The following PRR12 variants were observed in gnomAD, a reference collection of about 807,000 sequenced individuals.
The protein encoded by PRR12 is proline-rich protein 12.
A neutral mutation model predicts 138.0 loss-of-function variants in PRR12; 12 were observed. The ratio of observed to expected loss-of-function variants is 0.09; its 90% CI spans 0.06 to 0.14. The LOEUF is 0.14. Among genes scored for constraint, PRR12 ranks in the 10% least tolerant of loss-of-function variants. The pLI is 1.00. For missense variants in PRR12, 2,692 were observed against 2,861.3 expected (o/e 0.94, Z 1.35); for synonymous variants, 1,567 against 1,291.7 (o/e 1.21, Z -4.57).
At chr19:49,604,359 G>C (rs1221768332) in intron 6 of PRR12, among the ~76,000 whole-genome samples, 1 of 144,270 alleles carries the variant, frequency 6.9e-6, no homozygotes. Flanking sequence ...GAGCGAGACT[G>C]TCTCAAAAAA....
chr19:49,598,809 C>G (rs2080792754), intron 4 of PRR12, among the ~76,000 whole-genome samples: 1 of 152,084 alleles, frequency 6.6e-6, no homozygotes, highest in Non-Finnish European at 1.5e-5. Context: ...AGAGTGAGAC[C>G]CTGTCTCAAG....
At position 49,614,890 on chromosome 19, in the gene PRR12, T is replaced by G; in HGVS notation, c.4905T>G (p.Phe1635Leu). 5 of 1,613,912 alleles carry G rather than the reference T, an allele frequency of 3.1e-6. No individual in the cohort carries two copies. Among genetic ancestry groups the G allele is most frequent in the Non-Finnish European group, 4.2e-6 (5 of 1,179,852 alleles). ...FCATSNYLGY[F>L]GDAKNRYQRL... ...TCTCCCCATAGTATTTGGGGTATTTTGGGGATGCAAAAAATCGGTACCAGC... is the reference window on the plus strand; with the variant it reads ...TCTCCCCATAGTATTTGGGGTATTTGGGGGATGCAAAAAATCGGTACCAGC... The change falls in exon 8 of 14, where the codon TTT becomes TTG. Residue 1635 changes from phenylalanine (F) to leucine (L), a missense_variant. By Grantham distance (22) the Phe-to-Leu change is conservative. Coordinates refer to ENST00000418929, the MANE Select transcript of PRR12 (RefSeq NM_020719.3). This position sits in a 1 kb window ranked among gnomAD's most constrained non-coding sequence, Gnocchi z 5.0.
intron 6 of PRR12, among the ~76,000 whole-genome samples, chr19:49,608,764 C>T (rs2080850845): frequency 6.6e-6 from 1 of 151,714 alleles, no homozygotes; most frequent in African/African-American, 2.4e-5. Flanking sequence ...CACCTGAGCC[C>T]AGGAAGTTGA....
chr19:49,616,434 T>C lies in PRR12; in HGVS notation c.5497+215T>C, dbSNP rs2122360200. 6.6e-6 allele frequency among the ~76,000 whole-genome samples: 1 copy of C among 152,314 alleles called. No individual in the cohort carries two copies. The highest frequency in any genetic ancestry group is 2.1e-4 in the South Asian group (1 of 4,830). On this transcript the variant is annotated intron_variant, in intron 9 of 13. Coordinates refer to ENST00000418929, the MANE Select transcript of PRR12 (RefSeq NM_020719.3). The surrounding 1 kb of genome is among the most constrained non-coding windows in gnomAD (Gnocchi z 4.2). ...TAACTTGTGTAATTTTCACCCATCC[T>C]AGTAGGTAGATACTGTTATCCTCAT...
intron 9 of PRR12, among the ~76,000 whole-genome samples, chr19:49,618,283 C>T (rs1162096762): frequency 6.6e-6 from 1 of 152,062 alleles, no homozygotes; most frequent in Non-Finnish European, 1.5e-5. Context: ...CCCCCAAATC[C>T]CATCAAGCTC....
chr19:49,601,904 A>G lies in PRR12; in HGVS notation c.4759A>G (p.Ile1587Val), dbSNP rs750288228. 48 of 1,611,684 alleles carry G rather than the reference A, an allele frequency of 3.0e-5. No homozygotes were observed. The highest frequency in any genetic ancestry group is 3.2e-5 in the Non-Finnish European group (38 of 1,179,752). Residue 1587 changes from isoleucine (I) to valine (V), a missense_variant, in exon 6 of 14, where the codon ATC (isoleucine) becomes GTC (valine). Coordinates refer to ENST00000418929, the MANE Select transcript of PRR12 (RefSeq NM_020719.3). ...RDEFVIRAED[I>V]PSLKLALQTG... The stretch of plus-strand genomic sequence containing the variant: ...CGAGTTCGTCATCCGTGCTGAGGAC[A>G]TCCCTTCCCTCAAGGTGAGTCCCAG...
Position 49,625,436 on chromosome 19 carries a change from C to T in PRR12, c.5965-25C>T. 1 of 1,575,852 alleles carries T rather than the reference C, an allele frequency of 6.3e-7. No homozygotes were observed. Among genetic ancestry groups the T allele is most frequent in the Non-Finnish European group, 8.6e-7 (1 of 1,165,842 alleles). On this transcript the variant is annotated intron_variant, in intron 13 of 13. Coordinates refer to ENST00000418929, the MANE Select transcript of PRR12 (RefSeq NM_020719.3). The surrounding 1 kb of genome is among the most constrained non-coding windows in gnomAD (Gnocchi z 5.5). Reference sequence around the variant, plus strand: ...CCCAGAGGCCGGTGTGCCACCCTCCCCAGTGCCATGTTTGACCCCTGCAGA... The same window carrying T: ...CCCAGAGGCCGGTGTGCCACCCTCCTCAGTGCCATGTTTGACCCCTGCAGA...
rs1015523808 is a variant in PRR12 at position 49,599,101 on chromosome 19, G to A, written c.3679-171G>A. Among the ~76,000 whole-genome samples, 2 of 152,194 alleles carry A rather than the reference G, an allele frequency of 1.3e-5. No homozygotes were observed. The highest frequency in any genetic ancestry group is 4.8e-5 in the African/African-American group (2 of 41,466). On this transcript the variant is annotated intron_variant, in intron 4 of 13. Transcript: ENST00000418929. This position sits in a 1 kb window ranked among gnomAD's most constrained non-coding sequence, Gnocchi z 5.0. ...GAGTCCAAGTTCCTGGTCTTCTGAG[G>A]GAGGAACTCCAGTCTTGTCCTCCTA...
intron 9 of PRR12, among the ~76,000 whole-genome samples, chr19:49,618,979 C>G (rs1438802396): frequency 5.3e-5 from 8 of 152,030 alleles, no homozygotes; most frequent in Admixed American, 4.6e-4. Flanking sequence ...AAAGCCCTTG[C>G]CCTTTCTGCC....
intron 6 of PRR12, among the ~76,000 whole-genome samples, chr19:49,609,071 TG>T (rs1412917885): frequency 6.6e-6 from 1 of 152,112 alleles, no homozygotes; most frequent in African/African-American, 2.4e-5. Context: ...CCCAGCACTT[TG>T]GGAGGCTGAG....
intron 6 of PRR12, among the ~76,000 whole-genome samples, chr19:49,609,266 T>C (rs570937313): frequency 2.6e-4 from 40 of 152,104 alleles, no homozygotes; most frequent in African/African-American, 8.0e-4. Flanking sequence ...GATTGCTCGA[T>C]TGCACTCCCA....
intron 6 of PRR12, among the ~76,000 whole-genome samples, chr19:49,604,188 T>G (rs969444668): frequency 5.3e-5 from 8 of 152,062 alleles, no homozygotes; most frequent in African/African-American, 1.9e-4. Flanking sequence ...TATTTCAATC[T>G]ATTTCATTGT....
Position 49,602,029 on chromosome 19 carries a change from G to T in PRR12, c.4773+111G>T, listed in dbSNP as rs996390463. 5.2e-6 allele frequency: 7 copies of T among 1,352,816 alleles called. No homozygotes were observed. The African/African-American group carries it at 8.7e-5, about 17-fold the overall frequency. 83.8% of individuals were successfully genotyped at this position (1,352,816 alleles called of 1,614,324 possible). On this transcript the variant is annotated intron_variant, in intron 6 of 13. Transcript: ENST00000418929. The stretch of plus-strand genomic sequence containing the variant: ...GAGACCTGCAGATCCAGTCGTGGCC[G>T]GGCCGCCCTGGAATTTGCAGTCCTA...
Position 49,614,253 on chromosome 19 carries a change from A to C in PRR12, c.4774-280A>C, listed in dbSNP as rs1283868610. Among the ~76,000 whole-genome samples, 1 of 152,170 alleles carries C rather than the reference A, an allele frequency of 6.6e-6. No individual in the cohort carries two copies. Among genetic ancestry groups the C allele is most frequent in the East Asian group, 1.9e-4 (1 of 5,202 alleles). On this transcript the variant is annotated intron_variant, in intron 6 of 13. Transcript: ENST00000418929. The surrounding 1 kb of genome is among the most constrained non-coding windows in gnomAD (Gnocchi z 5.0). Reference sequence around the variant, plus strand: ...TTGTCATTACTCTGAGTCACACAGGAAGTTTTGGGCTTTCACCCCGTAAAG... The same window carrying C: ...TTGTCATTACTCTGAGTCACACAGGCAGTTTTGGGCTTTCACCCCGTAAAG...
intron 5 of PRR12, among the ~76,000 whole-genome samples, chr19:49,601,014 C>T (rs1453362351): frequency 6.6e-6 from 1 of 152,122 alleles, no homozygotes; most frequent in Admixed American, 6.6e-5. Flanking sequence ...CATGAGCCAC[C>T]ATGCCTGCCC....
At position 49,597,318 on chromosome 19, in the gene PRR12, C is replaced by A. The variant is rs770159233; in HGVS notation, c.2983C>A (p.Pro995Thr). Residue 995 changes from proline (P) to threonine (T), a missense_variant, in exon 4 of 14, where the codon CCT (proline) becomes ACT (threonine). This residue lies in a region of PRR12 where 840 missense variants were observed against 689.8 expected (regional missense o/e 1.22). Coordinates refer to ENST00000418929, the MANE Select transcript of PRR12 (RefSeq NM_020719.3). The surrounding 1 kb of genome is among the most constrained non-coding windows in gnomAD (Gnocchi z 6.3). ...PAYDPYGPYC[P>T]GRASGAGPET... ...TTATGATCCCTATGGGCCCTACTGT[C>A]CTGGCCGGGCGTCGGGAGCCGGGCC... is the stretch of plus-strand genomic sequence containing the variant. 1 of 1,550,626 alleles carries A rather than the reference C, an allele frequency of 6.4e-7. No individual in the cohort carries two copies. Among genetic ancestry groups the A allele is most frequent in the Non-Finnish European group, 8.7e-7 (1 of 1,151,332 alleles).
Position 49,625,440 on chromosome 19 carries a change from T to G in PRR12, c.5965-21T>G. On this transcript the variant is annotated intron_variant, in intron 13 of 13. Coordinates refer to ENST00000418929, the MANE Select transcript of PRR12 (RefSeq NM_020719.3). This position sits in a 1 kb window ranked among gnomAD's most constrained non-coding sequence, Gnocchi z 5.5. The stretch of plus-strand genomic sequence containing the variant: ...GAGGCCGGTGTGCCACCCTCCCCAG[T>G]GCCATGTTTGACCCCTGCAGACCCT... 6.3e-7 allele frequency: 1 copy of G among 1,579,146 alleles called. No individual in the cohort carries two copies. The highest frequency in any genetic ancestry group is 8.6e-7 in the Non-Finnish European group (1 of 1,167,540).
intron 9 of PRR12, 112 bp from the exon 10 acceptor site, chr19:49,620,240 T>G: frequency 6.9e-7 from 1 of 1,445,800 alleles, no homozygotes; most frequent in Non-Finnish European, 9.4e-7. Flanking sequence ...GACTTGGACC[T>G]CCCAAAAGCA....
chr19:49,605,257 C>T (rs139529194), intron 6 of PRR12, among the ~76,000 whole-genome samples: 2 of 151,952 alleles, frequency 1.3e-5, no homozygotes, highest in East Asian at 1.9e-4. Flanking sequence ...CCTAGGAATC[C>T]GTATTCTTTT....
Sources: gnomAD v4.1 joint callset for allele counts (sites outside exome capture counted in the v4.1 genomes callset) on GRCh38, gnomAD v4.1.1 for gene constraint, gnomAD v4.1.1 regional missense constraint, Gnocchi (gnomAD v3.1) non-coding constraint, MANE v1.5 for transcripts, NCBI Gene and HGNC (gene_info 2026-07-23, HGNC 2026-07-21) for gene names.